Variants in NARS1 observed in about 807,000 individuals in gnomAD.
NARS1 encodes asparaginyl-tRNA synthetase 1.
In NARS1, 65 loss-of-function variants were observed where a neutral mutation model predicts 79.2. The observed-to-expected ratio is 0.82, with a 90% confidence interval of 0.67 to 1.01. The LOEUF is 1.01. NARS1 is among the 50% of genes least tolerant of loss of function. The probability of loss-of-function intolerance (pLI) is 0.00; values close to 1 mark genes in which losing one functional copy is unlikely to be tolerated. For missense variants in NARS1, 649 were observed against 673.8 expected (o/e 0.96, Z 0.41); for synonymous variants, 229 against 238.8 (o/e 0.96, Z 0.38).
intron 2 of NARS1, among the ~76,000 whole-genome samples, chr18:57,618,793 T>C (rs1320853593): frequency 6.6e-6 from 1 of 151,982 alleles, no homozygotes; most frequent in East Asian, 1.9e-4. Flanking sequence ...TCCGAGCTAC[T>C]TGGAAGGCTG....
chr18:57,620,836 T>C (rs966377949), intron 1 of NARS1, among the ~76,000 whole-genome samples, 185 bp from the exon 2 acceptor site: 1 of 152,232 alleles, frequency 6.6e-6, no homozygotes, highest in Non-Finnish European at 1.5e-5. Flanking sequence ...ATAAAAACAT[T>C]AGTTAATAAT....
chr18:57,621,280 A>G (rs1329312682), intron 1 of NARS1, among the ~76,000 whole-genome samples: 13 of 144,866 alleles, frequency 9.0e-5, no homozygotes, highest in Non-Finnish European at 1.6e-4. Context: ...TTCCTACTGC[A>G]CAGTATGGTC....
Position 57,605,948 on chromosome 18 carries a change from G to A in NARS1, c.1160C>T (p.Pro387Leu), listed in dbSNP as rs1160639472. ...ATCTGAATAGTTCATCCGTTTGAAA[G>A]GCCGTTTGGGGGGCTGAAAGTTCTA... ...LNPNFQPPKR[P>L]FKRMNYSDAI... is the part of the protein sequence containing the mutation. Residue 387 changes from proline (P) to leucine (L), a missense_variant, in exon 11 of 14, where the codon CCT becomes CTT. Coordinates refer to ENST00000256854, the MANE Select transcript of NARS1 (RefSeq NM_004539.4). 6.2e-7 allele frequency: 1 copy of A among 1,613,182 alleles called. No homozygotes were observed. The highest frequency in any genetic ancestry group is 8.5e-7 in the Non-Finnish European group (1 of 1,179,500).
At chr18:57,607,110 T>G (rs559287763) in intron 9 of NARS1, 24 bp downstream of exon 9, 16 of 1,582,252 alleles carry the variant, frequency 1.0e-5, no homozygotes, top group Non-Finnish European at 1.3e-5. Flanking sequence ...TAGAAAGAAA[T>G]AAAACAAAAA....
chr18:57,617,825 G>C (rs1320440563), intron 2 of NARS1, among the ~76,000 whole-genome samples: 1 of 148,774 alleles, frequency 6.7e-6, no homozygotes, highest in Non-Finnish European at 1.5e-5. Flanking sequence ...TGAGGCAGAA[G>C]AATCTCTTGA....
chr18:57,606,763 G>A lies in NARS1; in HGVS notation c.1002-12C>T, dbSNP rs775620989. ...CCACGTGAGTGTACCTGAAGAACGA[G>A]ACAATAGCTCAGCACTGCTTTTCTC... On this transcript the variant is annotated splice_polypyrimidine_tract_variant and intron_variant, in intron 9 of 13. Coordinates refer to ENST00000256854, the MANE Select transcript of NARS1 (RefSeq NM_004539.4). The A allele has an allele frequency of 6.2e-7, 1 of 1,614,090 alleles. No individual in the cohort carries two copies. The highest frequency in any genetic ancestry group is 1.1e-5 in the South Asian group (1 of 91,072).
intron 7 of NARS1, among the ~76,000 whole-genome samples, chr18:57,608,710 T>C (rs2051582023): frequency 6.6e-6 from 1 of 152,214 alleles, no homozygotes; most frequent in Admixed American, 6.5e-5. Context: ...TTCACATTTA[T>C]TGTATTTATA....
chr18:57,621,336 T>G (rs961561045), intron 1 of NARS1, among the ~76,000 whole-genome samples: 5 of 150,652 alleles, frequency 3.3e-5, no homozygotes, highest in Non-Finnish European at 7.4e-5. Flanking sequence ...GAAAAACAAC[T>G]AGAATCCTAA....
At chr18:57,620,846 T>G (rs1908269908) in intron 1 of NARS1, among the ~76,000 whole-genome samples, 195 bp from the exon 2 acceptor site, 1 of 152,252 alleles carries the variant, frequency 6.6e-6, no homozygotes, top group African/African-American at 2.4e-5. Context: ...TAGTTAATAA[T>G]CCAGGTTTTC....
chr18:57,606,847 C>T (rs2051562110), intron 9 of NARS1, 96 bp from the exon 10 acceptor site: 9 of 1,510,286 alleles, frequency 6.0e-6, no homozygotes, highest in Non-Finnish European at 8.1e-6. Flanking sequence ...CATAAAATGC[C>T]AACAATGCTA....
At position 57,605,837 on chromosome 18, in the gene NARS1, TGAGA is replaced by T. The variant is rs756055309; in HGVS notation, c.1251+16_1251+19del. The stretch of plus-strand genomic sequence containing the variant: ...GAGCCCAATCCCACCTTGGAAACAA[TGAGA>T]GAAAGGGATACATACTTCTCCAAAT... On this transcript the variant is annotated intron_variant, in intron 11 of 13. Transcript: ENST00000256854. The T allele has an allele frequency of 1.3e-6, 2 of 1,509,420 alleles. No individual in the cohort carries two copies. The highest frequency in any genetic ancestry group is 4.6e-5 in the East Asian group (2 of 43,364). 93.5% of individuals were successfully genotyped at this position (1,509,420 alleles called of 1,614,324 possible).
At chr18:57,617,758 T>G (rs1599040662) in intron 2 of NARS1, among the ~76,000 whole-genome samples, 1 of 143,378 alleles carries the variant, frequency 7.0e-6, no homozygotes, top group Non-Finnish European at 1.5e-5. Context: ...CTACTAAAAA[T>G]ACAAAAATTG....
At chr18:57,610,555 T>C (rs72627250) in intron 6 of NARS1, among the ~76,000 whole-genome samples, 12,077 of 152,210 alleles carry the variant, frequency 0.079, 958 homozygotes, top group East Asian at 0.33. Context: ...GCCCATGAAG[T>C]AGTTGTGCCA....
intron 5 of NARS1, 82 bp from the exon 6 acceptor site, chr18:57,611,789 G>T (rs1291580796): frequency 1.0e-5 from 7 of 669,802 alleles, no homozygotes; most frequent in Non-Finnish European, 1.3e-5. Flanking sequence ...TAAAGATAGG[G>T]TCTCACTTCG....
intron 6 of NARS1, among the ~76,000 whole-genome samples, chr18:57,609,850 G>A (rs1490971270): frequency 6.6e-6 from 1 of 152,166 alleles, no homozygotes; most frequent in African/African-American, 2.4e-5. Context: ...GAGCCCAGGA[G>A]TTCAAGACCA....
intron 7 of NARS1, among the ~76,000 whole-genome samples, chr18:57,608,200 G>A (rs2051576697): frequency 6.6e-6 from 1 of 151,926 alleles, no homozygotes; most frequent in African/African-American, 2.4e-5. Context: ...ATTTGTGTCT[G>A]GGCACGGTGG....
chr18:57,606,218 G>A (rs1438052615), intron 10 of NARS1, among the ~76,000 whole-genome samples: 3 of 151,540 alleles, frequency 2.0e-5, no homozygotes, highest in African/African-American at 2.4e-5. Flanking sequence ...GGGTGGTGGT[G>A]GGCTCCTGTA....
At chr18:57,618,557 C>T (rs1054499751) in intron 2 of NARS1, among the ~76,000 whole-genome samples, 9 of 152,114 alleles carry the variant, frequency 5.9e-5, no homozygotes, top group African/African-American at 1.2e-4. Context: ...AGCTGCAAAA[C>T]GAGGCACCCG....
chr18:57,612,179 T>C (rs1228501851), intron 5 of NARS1, among the ~76,000 whole-genome samples: 1 of 152,198 alleles, frequency 6.6e-6, no homozygotes, highest in Non-Finnish European at 1.5e-5. Flanking sequence ...TAAAATATTT[T>C]ATTTTCAATG....
Sources: gnomAD v4.1 joint callset for allele counts (sites outside exome capture counted in the v4.1 genomes callset) on GRCh38, gnomAD v4.1.1 for gene constraint, MANE v1.5 for transcripts, NCBI Gene and HGNC (gene_info 2026-07-23, HGNC 2026-07-21) for gene names.